GRM4: variants seen among roughly 807,000 people sequenced by gnomAD.
The protein encoded by GRM4 is metabotropic glutamate receptor 4.
Under a neutral mutation model 81.7 loss-of-function variants are expected in GRM4, and 28 were observed. That is an observed-to-expected ratio of 0.34 (90% CI 0.25 to 0.47). The LOEUF is 0.47. GRM4 is among the 20% of genes least tolerant of loss of function. The pLI is 1.00. For synonymous variants in GRM4, 488 were observed against 528.8 expected (o/e 0.92, Z 1.06); for missense variants, 948 against 1,290.0 (o/e 0.73, Z 4.06).
intron 1 of GRM4, among the ~76,000 whole-genome samples, chr6:34,135,136 G>T (rs1355759076): frequency 6.6e-6 from 1 of 152,176 alleles, no homozygotes; most frequent in East Asian, 1.9e-4. Flanking sequence ...GGATTGCGAG[G>T]CTTCCCCAGA....
Position 34,070,138 on chromosome 6 carries a change from C to T in GRM4, c.737-8110G>A, listed in dbSNP as rs572943726. Among the ~76,000 whole-genome samples the T allele has an allele frequency of 9.9e-5, 15 of 152,208 alleles. No individual in the cohort carries two copies. Among genetic ancestry groups the T allele is most frequent in the Admixed American group, 2.0e-4 (3 of 15,286 alleles). On this transcript the variant is annotated intron_variant, in intron 3 of 10. Coordinates refer to ENST00000538487, the MANE Select transcript of GRM4 (RefSeq NM_000841.4). The surrounding 1 kb of genome is among the most constrained non-coding windows in gnomAD (Gnocchi z 4.6). Reference sequence around the variant, plus strand: ...AGGTGAACACTCGCACCTGCTCACACGCTCCCATCCCCTCGGTGACCTCCC... The same window carrying T: ...AGGTGAACACTCGCACCTGCTCACATGCTCCCATCCCCTCGGTGACCTCCC...
chr6:34,056,845 T>C (rs888025045), intron 5 of GRM4, among the ~76,000 whole-genome samples, 161 bp from the exon 6 acceptor site: 1 of 152,216 alleles, frequency 6.6e-6, no homozygotes, highest in African/African-American at 2.4e-5. Flanking sequence ...GAGCATTTCG[T>C]TTCTTTCAAA....
At chr6:34,147,942 G>C (rs1312470915), upstream of GRM4, among the ~76,000 whole-genome samples, 1 of 151,818 alleles carries the variant, frequency 6.6e-6, no homozygotes, top group Non-Finnish European at 1.5e-5. Flanking sequence ...ACTAATTAAA[G>C]TGAAGATAAC....
chr6:34,135,478 T>C (rs897876584), intron 1 of GRM4, among the ~76,000 whole-genome samples: 1 of 152,196 alleles, frequency 6.6e-6, no homozygotes, highest in African/African-American at 2.4e-5. Context: ...TCAAGATGCA[T>C]CCAGGACTAG....
chr6:34,137,012 T>C (rs756650847), intron 1 of GRM4, among the ~76,000 whole-genome samples: 37 of 152,196 alleles, frequency 2.4e-4, no homozygotes, highest in African/African-American at 8.7e-4. Flanking sequence ...AGGGAAGAGC[T>C]GGGGGCACAT....
intron 1 of GRM4, among the ~76,000 whole-genome samples, chr6:34,151,348 T>C (rs1239099059): frequency 1.3e-5 from 2 of 152,230 alleles, no homozygotes; most frequent in Non-Finnish European, 2.9e-5. Flanking sequence ...GTCTCTTTTT[T>C]CTTAAGACTC....
rs1328992376 is a variant in GRM4, at chr6:34,078,618, G to A, written c.736+13265C>T. Among the ~76,000 whole-genome samples, 3 of 152,180 alleles carry A rather than the reference G, an allele frequency of 2.0e-5. No homozygotes were observed. The highest frequency in any genetic ancestry group is 4.8e-5 in the African/African-American group (2 of 41,492). ...CCTGTGAAATGGGGTGGGCATGGAG[G>A]CTCAGGGAGATGGTCACAGGGCCTC... On this transcript the variant is annotated intron_variant, in intron 3 of 10. Transcript: ENST00000538487. The surrounding 1 kb of genome is among the most constrained non-coding windows in gnomAD (Gnocchi z 4.8).
At chr6:34,079,969 C>A (rs188975265) in intron 3 of GRM4, among the ~76,000 whole-genome samples, 39 of 152,246 alleles carry the variant, frequency 2.6e-4, no homozygotes, top group African/African-American at 9.1e-4. Flanking sequence ...GCTCCCAGCT[C>A]ACCCAGAACA....
intron 2 of GRM4, among the ~76,000 whole-genome samples, chr6:34,100,682 A>AATGC (rs1426113901): frequency 1.3e-5 from 2 of 152,232 alleles, no homozygotes; most frequent in African/African-American, 4.8e-5. Flanking sequence ...ACACAGAGCT[A>AATGC]ATGCTGGGTG....
intron 3 of GRM4, among the ~76,000 whole-genome samples, chr6:34,091,177 C>A (rs1768188625): frequency 6.6e-6 from 1 of 152,202 alleles, no homozygotes; most frequent in Admixed American, 6.5e-5. Flanking sequence ...TGCTCCCGGG[C>A]CCTGCTAGGT....
At chr6:34,028,036 G>A (rs1462783363) in intron 10 of GRM4, 84 bp downstream of exon 10, 20 of 1,417,428 alleles carry the variant, frequency 1.4e-5, no homozygotes, top group African/African-American at 2.9e-5. Flanking sequence ...AGGGCGGGGT[G>A]GGGAGGGGCA....
rs1768171774 is a variant in GRM4 at position 34,090,958 on chromosome 6, T to A, written c.736+925A>T. ...CCAGGAGGGAGAAGGGCCTCCCCACTTCCCCCACACACAACAGGGCCCCGA... is the reference window on the plus strand; with the variant it reads ...CCAGGAGGGAGAAGGGCCTCCCCACATCCCCCACACACAACAGGGCCCCGA... On this transcript the variant is annotated intron_variant, in intron 3 of 10. Transcript: ENST00000538487. This position sits in a 1 kb window ranked among gnomAD's most constrained non-coding sequence, Gnocchi z 5.2. Among the ~76,000 whole-genome samples the A allele has an allele frequency of 6.6e-6, 1 of 152,024 alleles. No individual in the cohort carries two copies. Among genetic ancestry groups the A allele is most frequent in the South Asian group, 2.1e-4 (1 of 4,830 alleles).
intron 6 of GRM4, among the ~76,000 whole-genome samples, chr6:34,052,154 C>T (rs9461950): frequency 0.014 from 2,059 of 152,266 alleles, 29 homozygotes; most frequent in African/African-American, 0.028. Context: ...AATGGCCTCT[C>T]GGAGCATCCC....
intron 3 of GRM4, among the ~76,000 whole-genome samples, chr6:34,083,477 G>A (rs1178188602): frequency 1.3e-5 from 2 of 152,166 alleles, no homozygotes; most frequent in African/African-American, 2.4e-5. Context: ...GGTGGGTCTC[G>A]TGGCTTGGCA....
intron 9 of GRM4, among the ~76,000 whole-genome samples, chr6:34,030,769 C>CA (rs1764372011): frequency 6.6e-6 from 1 of 152,238 alleles, no homozygotes; most frequent in Admixed American, 6.5e-5. Flanking sequence ...TCAACACAGG[C>CA]ATGGGCACAG....
chr6:34,041,388 C>A (rs1765013818), intron 6 of GRM4, among the ~76,000 whole-genome samples: 1 of 152,006 alleles, frequency 6.6e-6, no homozygotes, highest in Admixed American at 6.5e-5. Context: ...ACCCTCTTGT[C>A]CCCCAGTGGC....
At position 34,059,225 on chromosome 6, in the gene GRM4, C is replaced by A. The variant is rs1190259621; in HGVS notation, c.873-97G>T. The A allele has an allele frequency of 9.1e-7, 1 of 1,102,946 alleles. No individual in the cohort carries two copies. Among genetic ancestry groups the A allele is most frequent in the Non-Finnish European group, 1.3e-6 (1 of 749,266 alleles). 68.3% of individuals were successfully genotyped at this position (1,102,946 alleles called of 1,614,324 possible). ...GCTTTGGGCCCACGTCCCTCACCCC[C>A]AGAAGCCCAGGGTCCACAACTGTCC... On this transcript the variant is annotated intron_variant, in intron 4 of 10. Coordinates refer to ENST00000538487, the MANE Select transcript of GRM4 (RefSeq NM_000841.4). This position sits in a 1 kb window ranked among gnomAD's most constrained non-coding sequence, Gnocchi z 5.7.
intron 3 of GRM4, among the ~76,000 whole-genome samples, chr6:34,086,982 G>A (rs535257792): frequency 6.6e-5 from 10 of 152,198 alleles, no homozygotes; most frequent in Admixed American, 3.3e-4. Context: ...AAAATTAGCC[G>A]AGCATGGTGG....
Position 34,139,328 on chromosome 6 carries a change from G to A in GRM4, c.-363-5469C>T, listed in dbSNP as rs945307898. Among the ~76,000 whole-genome samples, 39 of 152,072 alleles carry A rather than the reference G, an allele frequency of 2.6e-4. 1 individual carries two copies. ...GAATGCCCCAGAGGAGAGCAGGGAG[G>A]GAAAAAAGGAAGGTAATTCTTAGGG... is the stretch of plus-strand genomic sequence containing the variant. On this transcript the variant is annotated intron_variant, in intron 1 of 10. Transcript: ENST00000538487.
Sources: allele counts gnomAD v4.1 joint callset (sites outside exome capture counted in the v4.1 genomes callset), GRCh38; gene constraint gnomAD v4.1.1; non-coding constraint Gnocchi (gnomAD v3.1); transcripts MANE v1.5; gene names NCBI Gene and HGNC (gene_info 2026-07-23, HGNC 2026-07-21).